TTLL5: variants seen among roughly 807,000 people sequenced by gnomAD.
The protein encoded by TTLL5 is tubulin tyrosine ligase like 5.
In TTLL5, 132 loss-of-function variants were observed where a neutral mutation model predicts 168.4. The ratio of observed to expected loss-of-function variants is 0.78; its 90% CI spans 0.68 to 0.91. TTLL5 has a LOEUF of 0.91. TTLL5 is among the 40% of genes least tolerant of loss of function. The pLI is 0.00. For synonymous variants in TTLL5, 546 were observed against 558.6 expected (o/e 0.98, Z 0.32); for missense variants, 1,545 against 1,581.5 (o/e 0.98, Z 0.39).
At chr14:75,790,834 C>T (rs1386705995) in intron 26 of TTLL5, among the ~76,000 whole-genome samples, 6 of 149,620 alleles carry the variant, frequency 4.0e-5, no homozygotes, top group Non-Finnish European at 8.9e-5. Flanking sequence ...CGGTGGCTCA[C>T]GCTTGTAATC....
chr14:75,937,574 T>C (rs866090247), intron 31 of TTLL5, among the ~76,000 whole-genome samples: 2 of 152,194 alleles, frequency 1.3e-5, no homozygotes, highest in Non-Finnish European at 2.9e-5. Context: ...TCTGTCTCTA[T>C]GAATTTGACT....
chr14:75,918,441 G>C (rs2033696802), intron 31 of TTLL5, among the ~76,000 whole-genome samples: 1 of 152,106 alleles, frequency 6.6e-6, no homozygotes, highest in Admixed American at 6.5e-5. Flanking sequence ...CCAGCTTCTT[G>C]ACTGCTATAA....
chr14:75,663,257 T>C (rs1014216924), intron 2 of TTLL5, 34 bp downstream of exon 2: 1 of 1,578,556 alleles, frequency 6.3e-7, no homozygotes, highest in African/African-American at 1.3e-5. Context: ...CAACCTGTGC[T>C]TTGTACTCTT....
intron 12 of TTLL5, 137 bp downstream of exon 12, chr14:75,720,840 G>A: frequency 4.1e-6 from 3 of 726,096 alleles, no homozygotes; most frequent in Non-Finnish European, 7.0e-6. Context: ...AGCTCATGTA[G>A]CATATGAAGA....
intron 2 of TTLL5, among the ~76,000 whole-genome samples, chr14:75,668,895 G>C (rs974546730): frequency 6.6e-6 from 1 of 152,102 alleles, no homozygotes; most frequent in Non-Finnish European, 1.5e-5. Flanking sequence ...TCATATTCAG[G>C]CATATCTTGA....
chr14:75,948,788 A>G lies in TTLL5; in HGVS notation c.3824-5636A>G, dbSNP rs75806371. ...CGGAGATTAAACAGATTGTAGGAAG[A>G]TACTGTGAATAACTTTATGATGACA... On this transcript the variant is annotated intron_variant, in intron 31 of 31. Coordinates refer to ENST00000298832, the MANE Select transcript of TTLL5 (RefSeq NM_015072.5). 7.8e-3 allele frequency among the ~76,000 whole-genome samples: 1,181 copies of G among 152,340 alleles called. 15 individuals are homozygous for G. Among genetic ancestry groups the G allele is most frequent in the African/African-American group, 0.027 (1,132 of 41,576 alleles).
chr14:75,913,325 C>A (rs1017935197), intron 31 of TTLL5, among the ~76,000 whole-genome samples: 1 of 152,140 alleles, frequency 6.6e-6, no homozygotes, highest in African/African-American at 2.4e-5. Context: ...AACCACTTTT[C>A]TCCTGTCCAG....
At position 75,934,230 on chromosome 14, in the gene TTLL5, C is replaced by G. The variant is rs142598810; in HGVS notation, c.3824-20194C>G. ...GTTAGAAGTGATTCCAGTGCACACC[C>G]AAGGGGAGGCAATTACATAAGGGTA... On this transcript the variant is annotated intron_variant, in intron 31 of 31. Transcript: ENST00000298832. Among the ~76,000 whole-genome samples the G allele has an allele frequency of 1.7e-3, 252 of 152,292 alleles. 1 individual carries two copies. Among genetic ancestry groups the G allele is most frequent in the South Asian group, 0.013 (62 of 4,822 alleles).
At chr14:75,858,972 C>T (rs1221570484) in intron 28 of TTLL5, among the ~76,000 whole-genome samples, 1 of 152,180 alleles carries the variant, frequency 6.6e-6, no homozygotes, top group African/African-American at 2.4e-5. Context: ...ACCTCCACCC[C>T]CATCATTGTG....
In TTLL5 at chr14:75,661,246, G is replaced by T. The variant is rs1401897624; in HGVS notation, c.-237G>T. ...GAGCGCCTGCGCAGTGGCTCCGAGC[G>T]GGCGGTTGCTTGTTGGTTGTTGTAG... On this transcript the variant is annotated 5_prime_UTR_variant, in exon 1 of 32. Coordinates refer to ENST00000298832, the MANE Select transcript of TTLL5 (RefSeq NM_015072.5). The T allele has an allele frequency of 6.6e-6, 1 of 152,190 alleles. No homozygotes were observed. The highest frequency in any genetic ancestry group is 1.9e-4 in the East Asian group (1 of 5,194). 9.4% of individuals were successfully genotyped at this position (152,190 alleles called of 1,614,324 possible).
chr14:75,771,102 G>T (rs1179663007), intron 20 of TTLL5, among the ~76,000 whole-genome samples: 1 of 152,102 alleles, frequency 6.6e-6, no homozygotes, highest in East Asian at 1.9e-4. Flanking sequence ...TACTTCTCCT[G>T]TCTGTTCCCC....
chr14:75,844,870 G>T (rs1315905991), intron 28 of TTLL5, among the ~76,000 whole-genome samples: 1 of 152,172 alleles, frequency 6.6e-6, no homozygotes, highest in East Asian at 1.9e-4. Flanking sequence ...CTAAATGGAA[G>T]TTTTGACCAG....
intron 29 of TTLL5, among the ~76,000 whole-genome samples, chr14:75,864,660 A>C (rs775620559): frequency 1.4e-4 from 22 of 152,340 alleles, no homozygotes; most frequent in Non-Finnish European, 2.4e-4. Context: ...ACTCAGGATC[A>C]TCATTAGAAT....
chr14:75,706,962 G>A, intron 7 of TTLL5, 56 bp from the exon 8 acceptor site: 1 of 1,434,718 alleles, frequency 7.0e-7, no homozygotes, highest in Non-Finnish European at 9.8e-7. Flanking sequence ...CTCCCTTATT[G>A]TAAATTAGGA....
chr14:75,832,867 G>A (rs1243936708), intron 28 of TTLL5, among the ~76,000 whole-genome samples: 3 of 152,120 alleles, frequency 2.0e-5, no homozygotes, highest in African/African-American at 4.8e-5. Context: ...CCTCCTTTTG[G>A]AGCTGTGGGG....
chr14:75,888,606 A>T (rs1252381287), intron 30 of TTLL5, among the ~76,000 whole-genome samples: 1 of 152,134 alleles, frequency 6.6e-6, no homozygotes, highest in South Asian at 2.1e-4. Context: ...GGGCCTGGCA[A>T]TAGGTGGTAT....
At position 75,953,773 on chromosome 14, in the gene TTLL5, A is replaced by C. The variant is rs561867631; in HGVS notation, c.3824-651A>C. 7.2e-5 allele frequency among the ~76,000 whole-genome samples: 11 copies of C among 152,342 alleles called. No individual in the cohort carries two copies. In the South Asian group the frequency reaches 2.3e-3, roughly 32 times the overall value. On this transcript the variant is annotated intron_variant, in intron 31 of 31. Coordinates refer to ENST00000298832, the MANE Select transcript of TTLL5 (RefSeq NM_015072.5). ...ATGGAAGAATTTTTTCATGCACTTT[A>C]AAAATGCTGATAATACACTGTGTTT...
At chr14:75,884,084 C>T (rs2031965968) in intron 30 of TTLL5, among the ~76,000 whole-genome samples, 2 of 152,166 alleles carry the variant, frequency 1.3e-5, no homozygotes, top group African/African-American at 4.8e-5. Flanking sequence ...GAGTATCTAC[C>T]TCCTAGGTCA....
chr14:75,874,449 G>A (rs1007282041), intron 29 of TTLL5, among the ~76,000 whole-genome samples: 2 of 151,512 alleles, frequency 1.3e-5, no homozygotes, highest in Non-Finnish European at 2.9e-5. Context: ...TTGTCCAAAG[G>A]CATAAATATC....
Sources: gnomAD v4.1 joint callset for allele counts (sites outside exome capture counted in the v4.1 genomes callset) on GRCh38, gnomAD v4.1.1 for gene constraint, MANE v1.5 for transcripts, NCBI Gene and HGNC (gene_info 2026-07-23, HGNC 2026-07-21) for gene names.